Variants in TUSC7 observed in about 807,000 individuals in gnomAD.
TUSC7 encodes tumor suppressor candidate 7.
intron 1 of TUSC7, among the ~76,000 whole-genome samples, chr3:116,713,763 C>T (rs565501230): frequency 3.4e-4 from 52 of 152,162 alleles, no homozygotes; most frequent in Admixed American, 6.5e-4. Context: ...GTCAGGAGTT[C>T]GAGACCAGCC....
At chr3:116,714,379 T>G (rs2051487833) in intron 1 of TUSC7, among the ~76,000 whole-genome samples, 1 of 152,252 alleles carries the variant, frequency 6.6e-6, no homozygotes. Context: ...ACCATCTACT[T>G]AGAGCTAGTC....
At chr3:116,716,172 T>C (rs537660095) in intron 1 of TUSC7, 2 of 152,338 alleles carry the variant, frequency 1.3e-5, no homozygotes, top group South Asian at 4.1e-4. Context: ...TAACATTTGC[T>C]TGTTTTCTCA....
At chr3:116,715,744 A>G (rs1322660567) in intron 1 of TUSC7, among the ~76,000 whole-genome samples, 1 of 152,064 alleles carries the variant, frequency 6.6e-6, no homozygotes, top group African/African-American at 2.4e-5. Flanking sequence ...TATCTTTTGC[A>G]AATATTTTTT....
intron 1 of TUSC7, among the ~76,000 whole-genome samples, chr3:116,711,610 G>T (rs1207088234): frequency 6.6e-6 from 1 of 152,116 alleles, no homozygotes. Flanking sequence ...CATACCACCT[G>T]CTAGAGGGTG....
At chr3:116,712,943 T>C (rs2051474943) in intron 1 of TUSC7, 1 of 152,180 alleles carries the variant, frequency 6.6e-6, no homozygotes, top group African/African-American at 2.4e-5. Flanking sequence ...TGCTTCTACA[T>C]GCATTACACC....
At chr3:116,714,938 T>C (rs1159783533) in intron 1 of TUSC7, among the ~76,000 whole-genome samples, 1 of 152,172 alleles carries the variant, frequency 6.6e-6, no homozygotes, top group Admixed American at 6.5e-5. Context: ...ACCACTATAG[T>C]ATTGTACAGA....
At chr3:116,713,905 G>A (rs1255029515) in intron 1 of TUSC7, 1 of 152,308 alleles carries the variant, frequency 6.6e-6, no homozygotes, top group Non-Finnish European at 1.5e-5. Context: ...GGCAGAGGTT[G>A]TAACGAGCCG....
At chr3:116,712,107 T>C (rs2051467435) in intron 1 of TUSC7, among the ~76,000 whole-genome samples, 1 of 152,212 alleles carries the variant, frequency 6.6e-6, no homozygotes, top group African/African-American at 2.4e-5. Context: ...ATTTTCAAGA[T>C]AATATTGTTC....
chr3:116,714,798 G>A (rs1360591233), intron 1 of TUSC7, among the ~76,000 whole-genome samples: 2 of 152,092 alleles, frequency 1.3e-5, no homozygotes, highest in Non-Finnish European at 2.9e-5. Context: ...CCACTAGAAT[G>A]GAACATCTGT....
intron 1 of TUSC7, among the ~76,000 whole-genome samples, chr3:116,712,076 C>G (rs935379556): frequency 6.6e-6 from 1 of 152,128 alleles, no homozygotes; most frequent in East Asian, 1.9e-4. Flanking sequence ...TGCTTTCATA[C>G]TAAATAAAAT....
chr3:116,711,367 G>A (rs573249615), intron 1 of TUSC7, among the ~76,000 whole-genome samples: 3 of 152,252 alleles, frequency 2.0e-5, no homozygotes, highest in South Asian at 2.1e-4. Flanking sequence ...GCACTTTATT[G>A]ACCAGGCTTC....
chr3:116,713,319 T>C (rs1049399278), intron 1 of TUSC7, among the ~76,000 whole-genome samples: 2 of 152,192 alleles, frequency 1.3e-5, no homozygotes, highest in Non-Finnish European at 2.9e-5. Context: ...ATTAACATCA[T>C]GCTGACACTC....
chr3:116,712,636 T>C (rs879480826), intron 1 of TUSC7: 1 of 152,032 alleles, frequency 6.6e-6, no homozygotes, highest in South Asian at 2.1e-4. Flanking sequence ...ATTTGAAGAA[T>C]ATAAACACCA....
intron 1 of TUSC7, chr3:116,714,067 T>C (rs143151540): frequency 6.6e-6 from 1 of 152,254 alleles, no homozygotes; most frequent in African/African-American, 2.4e-5. Context: ...CTCAAAGTTA[T>C]TGCTGCAGAG....
At chr3:116,713,520 G>A (rs2051479703) in intron 1 of TUSC7, among the ~76,000 whole-genome samples, 1 of 151,980 alleles carries the variant, frequency 6.6e-6, no homozygotes, top group African/African-American at 2.4e-5. Flanking sequence ...ATTATGCTAA[G>A]TATTGAGTAG....
At chr3:116,709,922 T>C (rs2051449574) in intron 1 of TUSC7, 1 of 152,012 alleles carries the variant, frequency 6.6e-6, no homozygotes, top group Admixed American at 6.6e-5. Flanking sequence ...GGATAATGTG[T>C]CCTAAAATGT....
At chr3:116,713,352 A>G (rs2051478393) in intron 1 of TUSC7, among the ~76,000 whole-genome samples, 1 of 152,208 alleles carries the variant, frequency 6.6e-6, no homozygotes, top group Non-Finnish European at 1.5e-5. Context: ...CAGCAGCCCT[A>G]AGGTCATTCA....
At position 116,711,599 on chromosome 3, in the gene TUSC7, C is replaced by A. The variant is rs144526142; in HGVS notation, n.98+1723C>A. Reference sequence around the variant, plus strand: ...ATAATTCAATCCTCAGACTATTAGACCATACCACCTGCTAGAGGGTGACAT... The same window carrying A: ...ATAATTCAATCCTCAGACTATTAGAACATACCACCTGCTAGAGGGTGACAT... On this transcript the variant is annotated intron_variant and non_coding_transcript_variant, in intron 1 of 2. Transcript: ENST00000477805. Among the ~76,000 whole-genome samples the A allele has an allele frequency of 2.4e-3, 362 of 152,232 alleles. 2 individuals are homozygous for A. The highest frequency in any genetic ancestry group is 8.4e-3 in the African/African-American group (351 of 41,546).
intron 1 of TUSC7, chr3:116,712,708 G>A (rs1484076468): frequency 1.3e-5 from 2 of 152,106 alleles, no homozygotes; most frequent in Non-Finnish European, 2.9e-5. Flanking sequence ...GGACAGAATT[G>A]AAGAAAGGAG....
Sources: allele counts gnomAD v4.1 joint callset (sites outside exome capture counted in the v4.1 genomes callset), GRCh38; gene constraint gnomAD v4.1.1; transcripts MANE v1.5; gene names NCBI Gene and HGNC (gene_info 2026-07-23, HGNC 2026-07-21).